UBA2: variants seen among roughly 807,000 people sequenced by gnomAD.
UBA2 encodes the protein SUMO-activating enzyme subunit 2.
UBA2 carries 11 observed loss-of-function variants against 77.2 expected under a neutral mutation model. The ratio of observed to expected loss-of-function variants is 0.14; its 90% CI spans 0.09 to 0.24. The LOEUF is 0.24. UBA2 is among the 10% of genes least tolerant of loss of function. UBA2 has a pLI of 1.00. For synonymous variants in UBA2, 278 were observed against 276.7 expected, an observed-to-expected ratio of 1.00 and a Z score of -0.05; for missense variants, 487 against 781.7, an observed-to-expected ratio of 0.62 and a Z score of 4.50.
intron 8 of UBA2, among the ~76,000 whole-genome samples, chr19:34,448,233 C>T (rs1002759389): frequency 2.0e-5 from 3 of 152,052 alleles, no homozygotes; most frequent in East Asian, 3.9e-4. Context: ...CATCTGTACT[C>T]CCACTGGAAC....
At chr19:34,432,640 C>T (rs1316969781) in intron 3 of UBA2, among the ~76,000 whole-genome samples, 4 of 152,126 alleles carry the variant, frequency 2.6e-5, no homozygotes, top group South Asian at 2.1e-4. Context: ...TCACTGCAAC[C>T]TCCGCCTCCT....
chr19:34,469,317 G>A lies in UBA2; in HGVS notation c.*96G>A. ...TTGTTCCAAAGGGAAAAAATTGACA[G>A]CAGTGACTTGAAAATGATTCTGCTC... On this transcript the variant is annotated 3_prime_UTR_variant, in exon 17 of 17. Coordinates refer to ENST00000246548, the MANE Select transcript of UBA2 (RefSeq NM_005499.3). The A allele has an allele frequency of 8.4e-7, 1 of 1,185,446 alleles. No homozygotes were observed. 73.4% of individuals were successfully genotyped at this position (1,185,446 alleles called of 1,614,324 possible). A position where few individuals can be genotyped will look rare whatever the true frequency, so the allele number is the denominator to read the frequency against.
intron 12 of UBA2, among the ~76,000 whole-genome samples, chr19:34,455,817 AT>A (rs1177703639): frequency 6.6e-6 from 1 of 151,788 alleles, no homozygotes; most frequent in Admixed American, 6.6e-5. Context: ...TAATTTTTGT[AT>A]TTTTAGTAGA....
At position 34,433,429 on chromosome 19, in the gene UBA2, A is replaced by G; in HGVS notation, c.358+17A>G. 1 of 1,514,816 alleles carries G rather than the reference A, an allele frequency of 6.6e-7. No individual in the cohort carries two copies. Among genetic ancestry groups the G allele is most frequent in the Non-Finnish European group, 9.1e-7 (1 of 1,095,638 alleles). The allele number at this position is 1,514,816 out of a possible 1,614,324, so 93.8% of individuals were successfully genotyped here. ...ATAACAGAGGTGAGGTTATTTTAAT[A>G]CTTTTAATTTCTCAGTATTTCCTCT... On this transcript the variant is annotated intron_variant, in intron 4 of 16. Transcript: ENST00000246548.
rs763899954 is a variant in UBA2 at position 34,438,639 on chromosome 19, T to TA, written c.460-6_460-5insA. The TA allele has an allele frequency of 6.2e-7, 1 of 1,613,670 alleles. No individual in the cohort carries two copies. Among genetic ancestry groups the TA allele is most frequent in the South Asian group, 1.1e-5 (1 of 90,930 alleles). ...AGTAAATTTTTCTCATATCCTGACT[T>TA]CATAGGGTGTGACCGAGTGTTATGA... On this transcript the variant is annotated splice_polypyrimidine_tract_variant and splice_region_variant and intron_variant, in intron 5 of 16. Transcript: ENST00000246548.
intron 5 of UBA2, 52 bp from the exon 6 acceptor site, chr19:34,438,593 G>C (rs2145503620): frequency 1.2e-6 from 2 of 1,605,892 alleles, no homozygotes; most frequent in South Asian, 2.2e-5. Flanking sequence ...ACCTTATAAT[G>C]TTGAGAAACT....
chr19:34,442,866 A>G (rs1046540507), intron 6 of UBA2, among the ~76,000 whole-genome samples: 4 of 152,216 alleles, frequency 2.6e-5, no homozygotes, highest in African/African-American at 9.6e-5. Context: ...AAGTGTTAAC[A>G]TGCCATTGTT....
chr19:34,436,449 G>A lies in UBA2; in HGVS notation c.459+1481G>A, dbSNP rs560482286. On this transcript the variant is annotated intron_variant, in intron 5 of 16. Coordinates refer to ENST00000246548, the MANE Select transcript of UBA2 (RefSeq NM_005499.3). ...CGAGTAGCTGGGATTACAGGCGTGC[G>A]CCACCACGCCTGGCTAATTTTGTAT... Among the ~76,000 whole-genome samples the A allele has an allele frequency of 1.9e-3, 284 of 152,136 alleles. 1 individual carries two copies. Among genetic ancestry groups the A allele is most frequent in the African/African-American group, 6.0e-3 (249 of 41,540 alleles).
In UBA2 at chr19:34,445,132, C is replaced by CT. The variant is rs757083534; in HGVS notation, c.771+18dup. 1.2e-5 allele frequency: 19 copies of CT among 1,606,776 alleles called. No individual in the cohort carries two copies. The highest frequency in any genetic ancestry group is 1.7e-4 in the Middle Eastern group (1 of 6,044). Reference sequence around the variant, plus strand: ...AAACTTTTTACCAAGGTTAGATTTACTTTTTTTATAATCATGGATAGATGT... The same window carrying CT: ...AAACTTTTTACCAAGGTTAGATTTACTTTTTTTTATAATCATGGATAGATGT... On this transcript the variant is annotated intron_variant, in intron 8 of 16. Coordinates refer to ENST00000246548, the MANE Select transcript of UBA2 (RefSeq NM_005499.3).
intron 14 of UBA2, among the ~76,000 whole-genome samples, chr19:34,462,793 T>C (rs1341535914): frequency 6.6e-6 from 1 of 151,828 alleles, no homozygotes; most frequent in Non-Finnish European, 1.5e-5. Flanking sequence ...TGGCAAAACC[T>C]CATCTCTTGT....
At position 34,460,494 on chromosome 19, in the gene UBA2, G is replaced by A; in HGVS notation, c.1426G>A (p.Val476Ile). The A allele has an allele frequency of 1.2e-6, 2 of 1,602,660 alleles. No individual in the cohort carries two copies. The highest frequency in any genetic ancestry group is 1.3e-5 in the African/African-American group (1 of 74,208). ...DKIVKEKFAM[V>I]APDVQIEDGK... ...GATAGTGAAAGAAAAATTTGCTATGGTAGCACCAGATGTCCAAATTGAAGA... is the reference window on the plus strand; with the variant it reads ...GATAGTGAAAGAAAAATTTGCTATGATAGCACCAGATGTCCAAATTGAAGA... Residue 476 changes from valine to isoleucine, a missense_variant, in exon 14 of 17, where the codon GTA becomes ATA. By Grantham distance (29) the Val-to-Ile change is conservative. Transcript: ENST00000246548.
intron 6 of UBA2, among the ~76,000 whole-genome samples, chr19:34,441,476 A>G (rs2075368817): frequency 6.6e-6 from 1 of 151,930 alleles, no homozygotes; most frequent in Non-Finnish European, 1.5e-5. Flanking sequence ...AAATAAATAA[A>G]TAGATAAAAT....
At chr19:34,468,926 T>G in intron 16 of UBA2, 114 bp from the exon 17 acceptor site, 1 of 768,402 alleles carries the variant, frequency 1.3e-6, no homozygotes. Context: ...ATGCAGCCAT[T>G]CTTAAGTCTG....
intron 12 of UBA2, among the ~76,000 whole-genome samples, chr19:34,455,758 C>T (rs747668801): frequency 2.0e-5 from 3 of 152,102 alleles, no homozygotes; most frequent in Non-Finnish European, 2.9e-5. Flanking sequence ...ATTCTCCTGT[C>T]TCAGCCTCCT....
intron 1 of UBA2, 57 bp downstream of exon 1, chr19:34,428,627 G>C: frequency 7.8e-7 from 1 of 1,274,718 alleles, no homozygotes; most frequent in Middle Eastern, 2.2e-4. Flanking sequence ...GCTGGGATTC[G>C]GGGGTTCCGG....
intron 3 of UBA2, 125 bp downstream of exon 3, chr19:34,432,056 C>T (rs892311397): frequency 4.7e-5 from 31 of 663,322 alleles, no homozygotes; most frequent in African/African-American, 1.9e-5. Flanking sequence ...GTGGTGGTTT[C>T]TGCTTACAGA....
intron 3 of UBA2, among the ~76,000 whole-genome samples, chr19:34,432,782 C>T (rs142533716): frequency 6.6e-6 from 1 of 152,048 alleles, no homozygotes. Flanking sequence ...CTCAAACTCC[C>T]GACCTCAGGT....
intron 13 of UBA2, 33 bp from the exon 14 acceptor site, chr19:34,460,437 T>C: frequency 2.9e-6 from 4 of 1,356,538 alleles, no homozygotes; most frequent in Non-Finnish European, 4.1e-6. Flanking sequence ...TTACCTACGT[T>C]AATATTTTGA....
chr19:34,467,103 C>T (rs1160552924), intron 16 of UBA2, 89 bp downstream of exon 16: 1 of 1,449,812 alleles, frequency 6.9e-7, no homozygotes, highest in African/African-American at 1.4e-5. Flanking sequence ...ACCATAAATC[C>T]ATAAAACTAC....
Sources: allele counts gnomAD v4.1 joint callset (sites outside exome capture counted in the v4.1 genomes callset), GRCh38; gene constraint gnomAD v4.1.1; transcripts MANE v1.5; gene names NCBI Gene and HGNC (gene_info 2026-07-23, HGNC 2026-07-21).